HSD17B3: variants seen among roughly 807,000 people sequenced by gnomAD.
HSD17B3 encodes 17-beta-hydroxysteroid dehydrogenase type 3.
A neutral mutation model predicts 41.1 loss-of-function variants in HSD17B3; 29 were observed. The ratio of observed to expected loss-of-function variants is 0.71; its 90% CI spans 0.53 to 0.96. The LOEUF is 0.96. Ranked by LOEUF, HSD17B3 falls within the 40% of genes least tolerant of loss-of-function variation. HSD17B3 has a pLI of 0.00. For missense variants in HSD17B3, 323 were observed against 374.6 expected (o/e 0.86, Z 1.14); for synonymous variants, 126 against 145.6 (o/e 0.87, Z 0.97).
chr9:96,298,384 G>A, intron 2 of HSD17B3, 32 bp downstream of exon 2: 1 of 1,579,738 alleles, frequency 6.3e-7, no homozygotes, highest in Non-Finnish European at 8.7e-7. Flanking sequence ...TTCAATACAA[G>A]GGAGGAGAAA....
chr9:96,281,794 T>C (rs1256622853), intron 2 of HSD17B3, among the ~76,000 whole-genome samples: 1 of 152,230 alleles, frequency 6.6e-6, no homozygotes, highest in Non-Finnish European at 1.5e-5. Context: ...ACCTGAACTT[T>C]TCAGCGTTGC....
chr9:96,242,589 T>C (rs1177797526), intron 9 of HSD17B3, among the ~76,000 whole-genome samples: 2 of 152,122 alleles, frequency 1.3e-5, no homozygotes, highest in African/African-American at 4.8e-5. Flanking sequence ...ATTTATTGAG[T>C]GTGTGTTCGG....
intron 3 of HSD17B3, 118 bp from the exon 4 acceptor site, chr9:96,253,028 CCCCAAATAAAAA>C (rs1391683163): frequency 1.3e-6 from 1 of 750,602 alleles, no homozygotes; most frequent in Non-Finnish European, 2.4e-6. Flanking sequence ...CAGCCCATTG[CCCCAAATAAAAA>C]TGGGACATGG....
intron 2 of HSD17B3, among the ~76,000 whole-genome samples, chr9:96,266,552 G>A (rs1826049589): frequency 1.3e-5 from 2 of 152,126 alleles, no homozygotes; most frequent in Admixed American, 6.5e-5. Context: ...TTACAGGCAT[G>A]AGCCACTGTG....
At chr9:96,240,070 CG>C (rs1836374041) in intron 10 of HSD17B3, among the ~76,000 whole-genome samples, 1 of 73,300 alleles carries the variant, frequency 1.4e-5, no homozygotes, top group Non-Finnish European at 2.7e-5. Context: ...CGGGGCCTGT[CG>C]GGGGGTGGGG....
Position 96,235,312 on chromosome 9 carries a change from G to T in HSD17B3, c.*148C>A, listed in dbSNP as rs778147562. 1.4e-6 allele frequency: 1 copy of T among 692,252 alleles called. No homozygotes were observed. Among genetic ancestry groups the T allele is most frequent in the Non-Finnish European group, 2.6e-6 (1 of 377,730 alleles). 42.9% of individuals were successfully genotyped at this position (692,252 alleles called of 1,614,324 possible). A position where few individuals can be genotyped will look rare whatever the true frequency, so the allele number is the denominator to read the frequency against. On this transcript the variant is annotated 3_prime_UTR_variant, in exon 11 of 11. Transcript: ENST00000375263. ...AGAGATATTCAGACTCAAGTAAAGT[G>T]GCAAAAAATGTGTATTCTATGCCTC...
In HSD17B3 at chr9:96,290,995, C is replaced by T. The variant is rs149228094; in HGVS notation, c.201+7421G>A. ...GAAAAACTATGACCCCACCCACACCCCTGCCAGTAAAGGCTGGGTGGGGAG... is the reference window on the plus strand; with the variant it reads ...GAAAAACTATGACCCCACCCACACCTCTGCCAGTAAAGGCTGGGTGGGGAG... On this transcript the variant is annotated intron_variant, in intron 2 of 10. Transcript: ENST00000375263. 5.4e-3 allele frequency among the ~76,000 whole-genome samples: 828 copies of T among 152,274 alleles called. 7 individuals are homozygous for T. The highest frequency in any genetic ancestry group is 0.022 in the South Asian group (104 of 4,828).
intron 2 of HSD17B3, among the ~76,000 whole-genome samples, chr9:96,296,210 C>T (rs909424567): frequency 1.3e-5 from 2 of 152,164 alleles, no homozygotes; most frequent in Non-Finnish European, 2.9e-5. Context: ...TGCACCACTG[C>T]ACTCCAGCCT....
In HSD17B3 at chr9:96,295,864, C is replaced by T. The variant is rs138649993; in HGVS notation, c.201+2552G>A. On this transcript the variant is annotated intron_variant, in intron 2 of 10. Transcript: ENST00000375263. ...AAAATTCATATGCTGAAATCCTAAC[C>T]CCCAATGAGATGACACTTGGAGGTA... is the stretch of plus-strand genomic sequence containing the variant. Among the ~76,000 whole-genome samples, 14 of 152,144 alleles carry T rather than the reference C, an allele frequency of 9.2e-5. No homozygotes were observed. In the East Asian group the frequency reaches 2.7e-3, roughly 29 times the overall value.
At position 96,255,725 on chromosome 9, in the gene HSD17B3, A is replaced by C. The variant is rs193104732; in HGVS notation, c.202-782T>G. On this transcript the variant is annotated intron_variant, in intron 2 of 10. Coordinates refer to ENST00000375263, the MANE Select transcript of HSD17B3 (RefSeq NM_000197.2). ...ACTTGTGAGCTGCTTCCTATGCACA[A>C]GTACATCCTTCTGTGGTTCACTCGA... Among the ~76,000 whole-genome samples, 320 of 152,222 alleles carry C rather than the reference A, an allele frequency of 2.1e-3. 1 individual carries two copies. Among genetic ancestry groups the C allele is most frequent in the Non-Finnish European group, 3.9e-3 (266 of 68,006 alleles).
intron 10 of HSD17B3, 107 bp downstream of exon 10, chr9:96,240,651 C>T (rs960838488): frequency 1.3e-5 from 14 of 1,116,476 alleles, no homozygotes; most frequent in Non-Finnish European, 1.6e-5. Flanking sequence ...GCTATATTAA[C>T]GCATCAATGA....
At chr9:96,244,297 G>C in intron 9 of HSD17B3, 32 bp downstream of exon 9, 1 of 1,609,374 alleles carries the variant, frequency 6.2e-7, no homozygotes, top group East Asian at 2.2e-5. Flanking sequence ...TCACCTGGAT[G>C]ATGACAAGGA....
chr9:96,261,587 T>C (rs1260169228), intron 2 of HSD17B3, among the ~76,000 whole-genome samples: 1 of 151,828 alleles, frequency 6.6e-6, no homozygotes, highest in African/African-American at 2.4e-5. Flanking sequence ...TGATGCAGGG[T>C]GGGGTGCATT....
At chr9:96,273,787 C>A (rs1256037036) in intron 2 of HSD17B3, among the ~76,000 whole-genome samples, 2 of 152,168 alleles carry the variant, frequency 1.3e-5, no homozygotes, top group African/African-American at 4.8e-5. Context: ...CTAACCCAAG[C>A]TGACTGCTTG....
chr9:96,245,275 C>G, intron 8 of HSD17B3, 70 bp downstream of exon 8: 1 of 1,208,628 alleles, frequency 8.3e-7, no homozygotes, highest in Non-Finnish European at 1.2e-6. Flanking sequence ...GCCAGATGAT[C>G]AAAGGAAATT....
intron 2 of HSD17B3, among the ~76,000 whole-genome samples, chr9:96,264,515 T>A (rs1007100467): frequency 2.0e-5 from 3 of 152,148 alleles, no homozygotes; most frequent in African/African-American, 7.2e-5. Context: ...TGTTTTATTG[T>A]TGCTGGGTTG....
At chr9:96,288,708 C>T (rs746323100) in intron 2 of HSD17B3, among the ~76,000 whole-genome samples, 5 of 151,878 alleles carry the variant, frequency 3.3e-5, no homozygotes, top group East Asian at 1.9e-4. Context: ...AGGCCCAGGC[C>T]GCAGGATCAC....
chr9:96,259,622 G>A (rs1289130024), intron 2 of HSD17B3, among the ~76,000 whole-genome samples: 1 of 152,104 alleles, frequency 6.6e-6, no homozygotes, highest in Non-Finnish European at 1.5e-5. Context: ...TCAGGGGGCT[G>A]AGGCAGGAGA....
chr9:96,301,813 G>C lies in HSD17B3; in HGVS notation c.154+138C>G. On this transcript the variant is annotated intron_variant, in intron 1 of 10. Transcript: ENST00000375263. ...GGAGAATTGCTTAAACCCGGGAAGC[G>C]GAGGTTGCAGTGAGCCAAGATCGCG... 11 of 879,066 alleles carry C rather than the reference G, an allele frequency of 1.3e-5. 1 individual carries two copies. The South Asian group carries it at 1.5e-4, about 12-fold the overall frequency. 54.5% of individuals were successfully genotyped at this position (879,066 alleles called of 1,614,324 possible). A position where few individuals can be genotyped will look rare whatever the true frequency, so the allele number is the denominator to read the frequency against.
Sources: allele counts gnomAD v4.1 joint callset (sites outside exome capture counted in the v4.1 genomes callset), GRCh38; gene constraint gnomAD v4.1.1; transcripts MANE v1.5; gene names NCBI Gene and HGNC (gene_info 2026-07-23, HGNC 2026-07-21).